Variants in NXNL2 observed in about 807,000 individuals in gnomAD.
The protein encoded by NXNL2 is nucleoredoxin-like protein 2.
A neutral mutation model predicts 11.1 loss-of-function variants in NXNL2; 7 were observed. That is an observed-to-expected ratio of 0.63 (90% CI 0.36 to 1.18). The LOEUF (loss-of-function observed/expected upper bound fraction) is 1.18. Ranked by LOEUF, NXNL2 falls within the 50% of genes most tolerant of loss-of-function variation. The pLI is 0.02. For missense variants in NXNL2, 233 were observed against 217.7 expected (o/e 1.07, Z -0.44); for synonymous variants, 109 against 101.8 (o/e 1.07, Z -0.42).
intron 1 of NXNL2, among the ~76,000 whole-genome samples, chr9:88,537,353 C>T (rs1358808997): frequency 6.6e-6 from 1 of 152,126 alleles, no homozygotes; most frequent in Non-Finnish European, 1.5e-5. Flanking sequence ...GGGAGGTCAT[C>T]GCTTGGGGCC....
In NXNL2 at chr9:88,541,317, G is replaced by A. The variant is rs148725165; in HGVS notation, c.303-3062G>A. Among the ~76,000 whole-genome samples the A allele has an allele frequency of 5.1e-3, 777 of 151,880 alleles. 4 individuals are homozygous for A. The highest frequency in any genetic ancestry group is 0.017 in the African/African-American group (715 of 41,396). Reference sequence around the variant, plus strand: ...GCACCGTCATCCAGGCTGGAGTGCAGTGGTGTGATCACAGCTCCCTGCAAC... The same window carrying A: ...GCACCGTCATCCAGGCTGGAGTGCAATGGTGTGATCACAGCTCCCTGCAAC... On this transcript the variant is annotated intron_variant, in intron 1 of 1. Transcript: ENST00000375854.
chr9:88,573,538 T>C (rs1238908503), intron 2 of NXNL2, among the ~76,000 whole-genome samples: 2 of 152,216 alleles, frequency 1.3e-5, no homozygotes, highest in Non-Finnish European at 2.9e-5. Context: ...AATTCCATAA[T>C]AAAATGGACA....
chr9:88,552,473 G>GGTTTTTTT (rs796387920), intron 1 of NXNL2, among the ~76,000 whole-genome samples: 5 of 131,570 alleles, frequency 3.8e-5, no homozygotes, highest in African/African-American at 1.4e-4. Flanking sequence ...AAACATGCAT[G>GGTTTTTTT]TTTTTTTTTT....
At chr9:88,548,077 G>A (rs1369199841), downstream of NXNL2, among the ~76,000 whole-genome samples, 3 of 147,382 alleles carry the variant, frequency 2.0e-5, no homozygotes, top group Admixed American at 1.4e-4. Context: ...GGTGGCTCAC[G>A]CCTGTAATCC....
downstream of NXNL2, among the ~76,000 whole-genome samples, chr9:88,577,827 G>A (rs1310144576): frequency 6.6e-6 from 1 of 152,164 alleles, no homozygotes; most frequent in Non-Finnish European, 1.5e-5. Flanking sequence ...TATGAACTAC[G>A]GGCACATGAT....
chr9:88,573,986 G>C (rs1014332639), intron 2 of NXNL2, among the ~76,000 whole-genome samples: 3 of 152,232 alleles, frequency 2.0e-5, no homozygotes, highest in Non-Finnish European at 2.9e-5. Flanking sequence ...GTATTGGTGA[G>C]GATGTGGAGC....
At chr9:88,556,895 G>A (rs1272835782) in intron 1 of NXNL2, among the ~76,000 whole-genome samples, 1 of 151,832 alleles carries the variant, frequency 6.6e-6, no homozygotes, top group Non-Finnish European at 1.5e-5. Context: ...GGCTAACACG[G>A]TGAAACCCCG....
At chr9:88,539,783 G>A (rs891576533) in intron 1 of NXNL2, 4 of 152,246 alleles carry the variant, frequency 2.6e-5, no homozygotes, top group Admixed American at 2.6e-4. Context: ...TGCCTCCTGG[G>A]TTCAAGTGAT....
downstream of NXNL2, among the ~76,000 whole-genome samples, chr9:88,547,295 C>T (rs1829858105): frequency 6.6e-6 from 1 of 152,254 alleles, no homozygotes; most frequent in Non-Finnish European, 1.5e-5. Flanking sequence ...GCCCTCCCCT[C>T]TCCCAGGAGA....
chr9:88,556,073 GC>G (rs1226301436), intron 1 of NXNL2, among the ~76,000 whole-genome samples: 1 of 152,204 alleles, frequency 6.6e-6, no homozygotes, highest in African/African-American at 2.4e-5. Context: ...CAACCCTGGA[GC>G]CCCAAGCGGG....
At chr9:88,574,463 C>T (rs1332299540) in intron 2 of NXNL2, among the ~76,000 whole-genome samples, 1 of 152,020 alleles carries the variant, frequency 6.6e-6, no homozygotes, top group Non-Finnish European at 1.5e-5. Context: ...TTGGTTTGGT[C>T]CAGAAAGGAG....
downstream of NXNL2, among the ~76,000 whole-genome samples, chr9:88,547,265 C>G (rs1829857679): frequency 6.6e-6 from 1 of 152,228 alleles, no homozygotes; most frequent in African/African-American, 2.4e-5. Context: ...CACAAGCCAT[C>G]AGGCCTGGGG....
chr9:88,536,098 C>T (rs1829612586), intron 1 of NXNL2, among the ~76,000 whole-genome samples: 1 of 152,166 alleles, frequency 6.6e-6, no homozygotes, highest in Non-Finnish European at 1.5e-5. Flanking sequence ...GAACCGCCGG[C>T]CCAATCAGCC....
At chr9:88,546,320 G>A (rs7856755), downstream of NXNL2, among the ~76,000 whole-genome samples, 2 of 151,922 alleles carry the variant, frequency 1.3e-5, no homozygotes, top group Admixed American at 6.6e-5. Flanking sequence ...GGTCCACCTC[G>A]GCTGGGCTGG....
chr9:88,541,113 T>A (rs2118410413), intron 1 of NXNL2, among the ~76,000 whole-genome samples: 1 of 143,344 alleles, frequency 7.0e-6, no homozygotes, highest in Middle Eastern at 4.1e-3. Flanking sequence ...ACCTGGTTAT[T>A]TTTTTTTATT....
chr9:88,557,106 A>T (rs1830026745), intron 1 of NXNL2, among the ~76,000 whole-genome samples: 1 of 142,008 alleles, frequency 7.0e-6, no homozygotes, highest in South Asian at 2.2e-4. Flanking sequence ...AAAAAAAAAG[A>T]AAGATGTTGA....
At chr9:88,567,139 T>C (rs887549217) in intron 1 of NXNL2, among the ~76,000 whole-genome samples, 5 of 152,264 alleles carry the variant, frequency 3.3e-5, no homozygotes, top group African/African-American at 9.6e-5. Flanking sequence ...TCCTGACTTA[T>C]TGAATTCTTT....
chr9:88,571,082 T>C (rs1352577804), intron 1 of NXNL2: 6 of 429,292 alleles, frequency 1.4e-5, no homozygotes, highest in Non-Finnish European at 2.8e-5. Context: ...TTTTTTTTTT[T>C]TCAGACGGAG....
At chr9:88,544,272 G>A in intron 1 of NXNL2, 107 bp from the exon 2 acceptor site, 1 of 935,002 alleles carries the variant, frequency 1.1e-6, no homozygotes, top group Non-Finnish European at 1.6e-6. Context: ...TGGGGCACCT[G>A]GTGGCTTCCT....
Sources: gnomAD v4.1 joint callset for allele counts (sites outside exome capture counted in the v4.1 genomes callset) on GRCh38, gnomAD v4.1.1 for gene constraint, MANE v1.5 for transcripts, NCBI Gene and HGNC (gene_info 2026-07-23, HGNC 2026-07-21) for gene names.